The following KLHL12 variants were observed in gnomAD, a reference collection of about 807,000 sequenced individuals.
The protein encoded by KLHL12 is kelch-like protein 12.
Under a neutral mutation model 60.8 loss-of-function variants are expected in KLHL12, and 17 were observed. That is an observed-to-expected ratio of 0.28 (90% CI 0.19 to 0.42). The LOEUF (loss-of-function observed/expected upper bound fraction) is 0.42, where lower values mean the gene tolerates loss of function less well. Ranked by LOEUF, KLHL12 falls within the 10% of genes least tolerant of loss-of-function variation. KLHL12 has a pLI of 1.00. For synonymous variants in KLHL12, 220 were observed against 250.9 expected, an observed-to-expected ratio of 0.88 and a Z score of 1.16; for missense variants, 468 against 722.3, an observed-to-expected ratio of 0.65 and a Z score of 4.04.
At chr1:202,905,524 T>C (rs532295855) in intron 6 of KLHL12, among the ~76,000 whole-genome samples, 2 of 152,308 alleles carry the variant, frequency 1.3e-5, no homozygotes, top group African/African-American at 4.8e-5. Flanking sequence ...AAATGTCTTA[T>C]CTCCTAGTGC....
chr1:202,913,088 T>A (rs1386533354), intron 4 of KLHL12, among the ~76,000 whole-genome samples: 2 of 151,840 alleles, frequency 1.3e-5, no homozygotes, highest in African/African-American at 2.4e-5. Context: ...AAGAAAAGCA[T>A]TATCAATTAG....
At chr1:202,905,846 C>T (rs1053220277) in intron 6 of KLHL12, among the ~76,000 whole-genome samples, 1 of 151,814 alleles carries the variant, frequency 6.6e-6, no homozygotes, top group Non-Finnish European at 1.5e-5. Context: ...ACTCTGTCGC[C>T]CAGGCTGGAG....
At chr1:202,919,396 G>T (rs186402841) in intron 3 of KLHL12, among the ~76,000 whole-genome samples, 1 of 152,294 alleles carries the variant, frequency 6.6e-6, no homozygotes, top group African/African-American at 2.4e-5. Flanking sequence ...TGGCCAGATA[G>T]ATAAAGAGTA....
At chr1:202,897,671 C>G (rs1318049126) in intron 6 of KLHL12, among the ~76,000 whole-genome samples, 1 of 152,168 alleles carries the variant, frequency 6.6e-6, no homozygotes, top group African/African-American at 2.4e-5. Context: ...AAGAACTCTC[C>G]TAACCTTGTC....
intron 10 of KLHL12, 47 bp downstream of exon 10, chr1:202,894,137 G>A: frequency 9.3e-7 from 1 of 1,080,370 alleles, no homozygotes; most frequent in Non-Finnish European, 1.4e-6. Context: ...TATATGTAAA[G>A]GTCTGACAGC....
At chr1:202,898,968 C>T (rs1220756011) in intron 6 of KLHL12, among the ~76,000 whole-genome samples, 2 of 150,644 alleles carry the variant, frequency 1.3e-5, no homozygotes, top group African/African-American at 4.9e-5. Context: ...CTTTTAGAGA[C>T]ACACGTGGAA....
intron 9 of KLHL12, 97 bp from the exon 10 acceptor site, chr1:202,894,379 A>G (rs1310768066): frequency 1.1e-6 from 1 of 938,384 alleles, no homozygotes; most frequent in East Asian, 2.6e-5. Context: ...TTTTAGTTTC[A>G]ATTTTCCCAC....
chr1:202,911,978 G>A (rs931867250), intron 4 of KLHL12: 1 of 803,486 alleles, frequency 1.2e-6, no homozygotes, highest in Non-Finnish European at 2.2e-6. Context: ...AAGTGCTCCA[G>A]GGGCTTTGGG....
chr1:202,919,991 T>A, intron 2 of KLHL12, 83 bp from the exon 3 acceptor site: 1 of 1,199,102 alleles, frequency 8.3e-7, no homozygotes, highest in Non-Finnish European at 1.2e-6. Context: ...AGCTTAGAGA[T>A]GTTAATAATA....
chr1:202,908,043 A>G (rs1660248770), intron 6 of KLHL12, among the ~76,000 whole-genome samples: 1 of 152,176 alleles, frequency 6.6e-6, no homozygotes, highest in Admixed American at 6.5e-5. Context: ...AAAACAAAAT[A>G]CCACCCCATA....
At position 202,926,738 on chromosome 1, in the gene KLHL12, T is replaced by G. The variant is rs557038614; in HGVS notation, c.-46+351A>C. On this transcript the variant is annotated intron_variant, in intron 1 of 11. Transcript: ENST00000367261. ...CTGAAGTGACCTATTTTCTAGAACTTTCGTTAACATCTGAATGGAGGGATT... is the reference window on the plus strand; with the variant it reads ...CTGAAGTGACCTATTTTCTAGAACTGTCGTTAACATCTGAATGGAGGGATT... Among the ~76,000 whole-genome samples the G allele has an allele frequency of 5.3e-5, 8 of 152,246 alleles. 1 individual carries two copies. The highest frequency in any genetic ancestry group is 1.9e-4 in the East Asian group (1 of 5,188).
chr1:202,926,018 T>G (rs1256920015), intron 1 of KLHL12, among the ~76,000 whole-genome samples: 3 of 147,768 alleles, frequency 2.0e-5, no homozygotes, highest in Non-Finnish European at 4.4e-5. Flanking sequence ...GGCCCGAGAA[T>G]CACTTGAACC....
At chr1:202,927,362 G>C, upstream of KLHL12, 1 of 760,334 alleles carries the variant, frequency 1.3e-6, no homozygotes, top group Non-Finnish European at 1.6e-6. Context: ...CGGGGCTTCT[G>C]TACGCTGCTA....
At chr1:202,923,756 C>G (rs556514735) in intron 2 of KLHL12, among the ~76,000 whole-genome samples, 2 of 152,158 alleles carry the variant, frequency 1.3e-5, no homozygotes, top group African/African-American at 4.8e-5. Flanking sequence ...ACAACAATTA[C>G]TAGCACAGTA....
chr1:202,894,340 G>A lies in KLHL12; in HGVS notation c.1295-58C>T, dbSNP rs1006551743. 1.5e-5 allele frequency: 19 copies of A among 1,225,988 alleles called. No homozygotes were observed. In the Admixed American group the frequency reaches 1.7e-4, roughly 11 times the overall value. 75.9% of individuals were successfully genotyped at this position (1,225,988 alleles called of 1,614,324 possible). Reference sequence around the variant, plus strand: ...TAAATCCTCATGCCCATTCCTGGTCGGTTTTTTTCTGAGTGCTTCAACTAA... The same window carrying A: ...TAAATCCTCATGCCCATTCCTGGTCAGTTTTTTTCTGAGTGCTTCAACTAA... On this transcript the variant is annotated intron_variant, in intron 9 of 11. Coordinates refer to ENST00000367261, the MANE Select transcript of KLHL12 (RefSeq NM_021633.4).
chr1:202,903,460 G>GTTTCTCTCATGCATTCTTGT (rs1660076494), intron 6 of KLHL12, among the ~76,000 whole-genome samples: 1 of 132,468 alleles, frequency 7.5e-6, no homozygotes, highest in Non-Finnish European at 1.6e-5. Context: ...ATGCATTCTT[G>GTTTCTCTCATGCATTCTTGT]TTTTTTTTTT....
Sources: gnomAD v4.1 joint callset for allele counts (sites outside exome capture counted in the v4.1 genomes callset) on GRCh38, gnomAD v4.1.1 for gene constraint, MANE v1.5 for transcripts, NCBI Gene and HGNC (gene_info 2026-07-23, HGNC 2026-07-21) for gene names.